Variants in SEC31B observed in about 807,000 individuals in gnomAD.
SEC31B encodes protein transport protein Sec31B.
SEC31B carries 113 observed loss-of-function variants against 135.0 expected under a neutral mutation model. The observed-to-expected ratio is 0.84, with a 90% CI of 0.72 to 0.98. SEC31B has a LOEUF of 0.98. Ranked by LOEUF, SEC31B falls within the 50% of genes least tolerant of loss-of-function variation. The probability of loss-of-function intolerance (pLI) is 0.00; values close to 1 mark genes in which losing one functional copy is unlikely to be tolerated. For synonymous variants in SEC31B, 508 were observed against 549.4 expected (o/e 0.92, Z 1.05); for missense variants, 1,296 against 1,421.1 (o/e 0.91, Z 1.42).
In SEC31B at chr10:100,507,462, C is replaced by T; in HGVS notation, c.745G>A (p.Ala249Thr). ...PVIQLWDLRF[A>T]SSPLKVLESH... The stretch of plus-strand genomic sequence containing the variant: ...TCCAGCACCTTCAAGGGCGAGGAGG[C>T]AAAGCGCAAGTCCCACAGCTGAATC... Residue 249 changes from alanine to threonine, a missense_variant, in exon 7 of 26, where the codon GCC becomes ACC. Ala to Thr is a moderately conservative substitution (Grantham distance 58). Transcript: ENST00000370345. The T allele has an allele frequency of 1.9e-6, 3 of 1,614,230 alleles. No individual in the cohort carries two copies. Among genetic ancestry groups the T allele is most frequent in the African/African-American group, 2.7e-5 (2 of 75,058 alleles).
chr10:100,495,133 G>T, intron 19 of SEC31B: 1 of 441,648 alleles, frequency 2.3e-6, no homozygotes. Context: ...GCCTACTGTA[G>T]CTATTTTTTA....
chr10:100,496,528 A>G lies in SEC31B; in HGVS notation c.2137-97T>C. The G allele has an allele frequency of 2.3e-6, 3 of 1,296,332 alleles. No individual in the cohort carries two copies. The South Asian group carries it at 4.2e-5, about 18-fold the overall frequency. 80.3% of individuals were successfully genotyped at this position (1,296,332 alleles called of 1,614,324 possible). ...TTCAGGGATCTCCCACTATGGGTAC[A>G]GATGAGGGCACCTGACCATACCTAG... On this transcript the variant is annotated intron_variant, in intron 17 of 25. Coordinates refer to ENST00000370345, the MANE Select transcript of SEC31B (RefSeq NM_015490.4).
At chr10:100,507,885 G>A (rs888572839) in intron 6 of SEC31B, 23 bp downstream of exon 6, 2 of 1,614,174 alleles carry the variant, frequency 1.2e-6, no homozygotes, top group Middle Eastern at 1.6e-4. Flanking sequence ...GCCCAAGCCT[G>A]TGTTCTGGCC....
Position 100,497,252 on chromosome 10 carries a change from C to A in SEC31B, c.2019G>T (p.Glu673Asp). Reference protein sequence around the residue: ...CDMLGTRMEQEGSRALTSEAR... With the variant: ...CDMLGTRMEQDGSRALTSEAR... ...CTTCGGAGGTTAGTGCCCTGCTGCC[C>A]TCCTGTTCCATGCGAGTTCCCAGCA... Residue 673 changes from glutamate (E) to aspartate (D), a missense_variant, in exon 17 of 26, where the codon GAG (glutamate) becomes GAT (aspartate). Coordinates refer to ENST00000370345, the MANE Select transcript of SEC31B (RefSeq NM_015490.4). 6.2e-7 allele frequency: 1 copy of A among 1,614,194 alleles called. No homozygotes were observed. Among genetic ancestry groups the A allele is most frequent in the Non-Finnish European group, 8.5e-7 (1 of 1,180,012 alleles).
At chr10:100,516,582 G>T (rs1403400461) in intron 2 of SEC31B, among the ~76,000 whole-genome samples, 1 of 148,876 alleles carries the variant, frequency 6.7e-6, no homozygotes, top group Non-Finnish European at 1.5e-5. Flanking sequence ...CCAGGAGGCG[G>T]AGCTTGCAGT....
At chr10:100,498,435 G>A in intron 14 of SEC31B, 1 of 608,716 alleles carries the variant, frequency 1.6e-6, no homozygotes, top group East Asian at 2.8e-5. Flanking sequence ...CACAGTGTGA[G>A]GTGTGCTTGA....
In SEC31B at chr10:100,507,850, T is replaced by C. The variant is rs867407906; in HGVS notation, c.639+58A>G. The C allele has an allele frequency of 5.5e-5, 89 of 1,610,668 alleles. No homozygotes were observed. In the Middle Eastern group the frequency reaches 1.6e-3, roughly 30 times the overall value. On this transcript the variant is annotated intron_variant, in intron 6 of 25. Transcript: ENST00000370345. ...TGGCCTGGGGCAGAGCAGCTCTAAC[T>C]GCTAGGCAGGAGAGAGAAGCCAGAG...
Position 100,508,831 on chromosome 10 carries a change from C to T in SEC31B, c.495+176G>A, listed in dbSNP as rs1851682649. On this transcript the variant is annotated intron_variant, in intron 5 of 25. Coordinates refer to ENST00000370345, the MANE Select transcript of SEC31B (RefSeq NM_015490.4). ...CCAACTACCCCATATACACCCTCCA[C>T]CCACCAGCCATCCTAACTCTTATCT... is the stretch of plus-strand genomic sequence containing the variant. 5 of 612,988 alleles carry T rather than the reference C, an allele frequency of 8.2e-6. No individual in the cohort carries two copies. The East Asian group carries it at 1.1e-4, about 14-fold the overall frequency. The allele number at this position is 612,988 out of a possible 1,614,324, so 38.0% of individuals were successfully genotyped here. A position where few individuals can be genotyped will look rare whatever the true frequency, so the allele number is the denominator to read the frequency against.
rs1851624953 is a variant in SEC31B, at chr10:100,506,087, C to A, written c.997G>T (p.Val333Leu). 1 of 1,614,202 alleles carries A rather than the reference C, an allele frequency of 6.2e-7. No individual in the cohort carries two copies. Among genetic ancestry groups the A allele is most frequent in the Admixed American group, 1.7e-5 (1 of 60,030 alleles). Reference sequence around the variant, plus strand: ...TGGACTTCCCAGCTCCTACCCATCACAGAGTACAAACTGATCCAGCCGTTG... The same window carrying A: ...TGGACTTCCCAGCTCCTACCCATCAAAGAGTACAAACTGATCCAGCCGTTG... ...SFNGWISLYS[V>L]MGRSWEVQHM... The change falls in exon 9 of 26, where the codon GTG (valine) becomes TTG (leucine). Residue 333 changes from valine to leucine, a missense_variant. Coordinates refer to ENST00000370345, the MANE Select transcript of SEC31B (RefSeq NM_015490.4).
intron 3 of SEC31B, among the ~76,000 whole-genome samples, chr10:100,513,933 C>G (rs1025803808): frequency 2.6e-5 from 4 of 151,858 alleles, no homozygotes; most frequent in African/African-American, 9.7e-5. Context: ...GCCTATAATC[C>G]CAGCACTTTG....
chr10:100,515,684 C>G (rs1391785326), intron 3 of SEC31B, among the ~76,000 whole-genome samples: 1 of 152,200 alleles, frequency 6.6e-6, no homozygotes, highest in East Asian at 1.9e-4. Flanking sequence ...CCATGAAATC[C>G]ATGAGAACCA....
At chr10:100,506,514 C>G (rs1361818690) in intron 7 of SEC31B, 94 bp from the exon 8 acceptor site, 20 of 1,002,216 alleles carry the variant, frequency 2.0e-5, no homozygotes, top group Non-Finnish European at 2.6e-5. Flanking sequence ...TAGGGCATAT[C>G]AGACCATCCA....
intron 19 of SEC31B, among the ~76,000 whole-genome samples, chr10:100,494,005 A>AGAAAGGGAGGGAGGAAAGGGAGGGAG (rs796390401): frequency 1.6e-4 from 24 of 150,040 alleles, no homozygotes; most frequent in African/African-American, 6.0e-4. Context: ...AAGGGAGGGA[A>AGAAAGGGAGGGAGGAAAGGGAGGGAG]GAAAGGGAGG....
intron 19 of SEC31B, among the ~76,000 whole-genome samples, chr10:100,491,768 C>T (rs567229885): frequency 6.6e-6 from 1 of 152,332 alleles, no homozygotes; most frequent in East Asian, 1.9e-4. Context: ...ACTGAATCCT[C>T]AATGCAACAG....
Position 100,496,359 on chromosome 10 carries a change from C to A in SEC31B, c.2209G>T (p.Gly737Cys). ...QLRGPHGVSPGPATTYRVTQY... is the reference protein window; with the variant it reads ...QLRGPHGVSPCPATTYRVTQY... ...GTGACCCTGTAGGTTGTGGCAGGGCCTGGGCTCACCCCATGAGGACCCCGC... is the reference window on the plus strand; with the variant it reads ...GTGACCCTGTAGGTTGTGGCAGGGCATGGGCTCACCCCATGAGGACCCCGC... Residue 737 changes from glycine to cysteine, a missense_variant, in exon 18 of 26, where the codon GGC (glycine) becomes TGC (cysteine). By Grantham distance (159) the Gly-to-Cys change is radical (BLOSUM62 -3). Transcript: ENST00000370345. The A allele has an allele frequency of 6.2e-7, 1 of 1,614,204 alleles. No individual in the cohort carries two copies. Among genetic ancestry groups the A allele is most frequent in the Non-Finnish European group, 8.5e-7 (1 of 1,180,026 alleles).
chr10:100,491,135 CTT>C (rs957950547), intron 19 of SEC31B, among the ~76,000 whole-genome samples: 2 of 152,136 alleles, frequency 1.3e-5, no homozygotes, highest in African/African-American at 4.8e-5. Context: ...CTACAGAAAA[CTT>C]TACATTCATA....
At position 100,513,760 on chromosome 10, in the gene SEC31B, G is replaced by A. The variant is rs370431571; in HGVS notation, c.203+2336C>T. Among the ~76,000 whole-genome samples the A allele has an allele frequency of 2.0e-4, 30 of 151,972 alleles. No homozygotes were observed. In the East Asian group the frequency reaches 5.0e-3, roughly 26 times the overall value. On this transcript the variant is annotated intron_variant, in intron 3 of 25. Transcript: ENST00000370345. ...GCTGGGATTACAAGCATGAGCCACC[G>A]CACCTGGCTGGTAACCTAAAAGTTT...
chr10:100,501,329 C>T (rs533580062), intron 11 of SEC31B, among the ~76,000 whole-genome samples: 57 of 152,226 alleles, frequency 3.7e-4, no homozygotes, highest in African/African-American at 8.7e-4. Context: ...CTTTGTTTAG[C>T]GGAGTAAAGG....
chr10:100,490,986 T>C, intron 19 of SEC31B, 103 bp from the exon 20 acceptor site: 1 of 770,518 alleles, frequency 1.3e-6, no homozygotes, highest in Non-Finnish European at 1.8e-6. Context: ...AAACTAGTTC[T>C]TTGAGGAAAA....
Sources: gnomAD v4.1 joint callset for allele counts (sites outside exome capture counted in the v4.1 genomes callset) on GRCh38, gnomAD v4.1.1 for gene constraint, MANE v1.5 for transcripts, NCBI Gene and HGNC (gene_info 2026-07-23, HGNC 2026-07-21) for gene names.